KIAA1958: variants seen among roughly 807,000 people sequenced by gnomAD.
KIAA1958 encodes the protein KIAA1958.
In KIAA1958, 14 loss-of-function variants were observed where a neutral mutation model predicts 47.2. That is an observed-to-expected ratio of 0.30 (90% CI 0.20 to 0.46). KIAA1958 has a LOEUF of 0.46. Ranked by LOEUF, KIAA1958 falls within the 20% of genes least tolerant of loss-of-function variation. The pLI, the probability that KIAA1958 is intolerant of heterozygous loss-of-function variation, is 1.00. For synonymous variants in KIAA1958, 354 were observed against 353.3 expected (o/e 1.00, Z -0.02); for missense variants, 803 against 909.2 (o/e 0.88, Z 1.50).
chr9:112,645,049 C>T (rs759557156), intron 2 of KIAA1958, among the ~76,000 whole-genome samples: 5 of 151,698 alleles, frequency 3.3e-5, no homozygotes, highest in South Asian at 4.2e-4. Context: ...GCAGGAGAAT[C>T]GCTTGAACCC....
chr9:112,497,980 T>A (rs976731508), intron 1 of KIAA1958, among the ~76,000 whole-genome samples: 2 of 152,128 alleles, frequency 1.3e-5, no homozygotes, highest in Non-Finnish European at 2.9e-5. Context: ...AATACCTCAT[T>A]AGGCAAGAAA....
chr9:112,617,851 C>G, intron 2 of KIAA1958: 4 of 1,507,628 alleles, frequency 2.7e-6, no homozygotes, highest in Non-Finnish European at 3.6e-6. Context: ...CTCTATCCCT[C>G]CCCCCCCAAT....
At chr9:112,528,036 C>T (rs1834689779) in intron 1 of KIAA1958, among the ~76,000 whole-genome samples, 1 of 151,980 alleles carries the variant, frequency 6.6e-6, no homozygotes, top group African/African-American at 2.4e-5. Context: ...AAACAGTTGT[C>T]AGCTCTATCT....
At chr9:112,649,630 T>A (rs1339249943) in intron 3 of KIAA1958, among the ~76,000 whole-genome samples, 3 of 152,070 alleles carry the variant, frequency 2.0e-5, no homozygotes, top group Non-Finnish European at 4.4e-5. Flanking sequence ...AAAGACATAT[T>A]ATATACAGAG....
chr9:112,523,249 C>T (rs372171286), intron 1 of KIAA1958, among the ~76,000 whole-genome samples: 1 of 151,984 alleles, frequency 6.6e-6, no homozygotes, highest in Non-Finnish European at 1.5e-5. Context: ...AAGTACTAAC[C>T]AGCCAGCCTG....
chr9:112,659,775 T>C lies in KIAA1958; in HGVS notation c.1857T>C (p.His619=), dbSNP rs1227356976. The change falls in exon 4 of 4, where the codon CAT becomes CAC. Residue 619 remains histidine (H), a synonymous_variant. Coordinates refer to ENST00000337530, the MANE Select transcript of KIAA1958 (RefSeq NM_133465.4). ...STRVCHGKIY[H]EHSRGHKQCP... ...GAGTGTGTCACGGGAAGATCTACCA[T>C]GAGCATTCCCGGGGACACAAACAGT... 4 of 1,613,998 alleles carry C rather than the reference T, an allele frequency of 2.5e-6. No individual in the cohort carries two copies. The African/African-American group carries it at 5.3e-5, about 22-fold the overall frequency.
chr9:112,551,591 G>A (rs1298872389), intron 1 of KIAA1958, among the ~76,000 whole-genome samples: 2 of 152,206 alleles, frequency 1.3e-5, no homozygotes, highest in African/African-American at 2.4e-5. Context: ...TGTAAAAGAA[G>A]TGACTTGAGT....
chr9:112,556,018 A>G (rs1835233814), intron 1 of KIAA1958, among the ~76,000 whole-genome samples: 2 of 152,164 alleles, frequency 1.3e-5, no homozygotes, highest in Admixed American at 6.5e-5. Flanking sequence ...CAGAGATTGC[A>G]GTGAGCCAAG....
intron 1 of KIAA1958, among the ~76,000 whole-genome samples, chr9:112,512,349 A>G (rs1834337286): frequency 6.6e-6 from 1 of 152,196 alleles, no homozygotes. Flanking sequence ...AACATTCAAA[A>G]CTCAGGAAAA....
At chr9:112,653,930 C>G (rs1384180637) in intron 3 of KIAA1958, among the ~76,000 whole-genome samples, 1 of 152,004 alleles carries the variant, frequency 6.6e-6, no homozygotes, top group Non-Finnish European at 1.5e-5. Context: ...AAGCAGAACC[C>G]CTTGAAGCCT....
At chr9:112,585,594 G>C (rs1353967465) in intron 2 of KIAA1958, among the ~76,000 whole-genome samples, 1 of 152,142 alleles carries the variant, frequency 6.6e-6, no homozygotes, top group Admixed American at 6.5e-5. Flanking sequence ...GTAGAGGCTG[G>C]GACAGGAGGG....
intron 2 of KIAA1958, among the ~76,000 whole-genome samples, chr9:112,586,377 G>A (rs1266991703): frequency 6.6e-6 from 1 of 152,140 alleles, no homozygotes; most frequent in Non-Finnish European, 1.5e-5. Context: ...TTGTGGACTA[G>A]TGACCTTCTT....
chr9:112,547,943 T>TAA (rs1835069610), intron 1 of KIAA1958, among the ~76,000 whole-genome samples: 4 of 152,248 alleles, frequency 2.6e-5, no homozygotes, highest in African/African-American at 7.2e-5. Context: ...TTTCTGTTGA[T>TAA]TCCAGGTCTG....
rs1837376664 is a variant in KIAA1958 at position 112,668,204 on chromosome 9, C to T, written c.*8135C>T. 6.6e-6 allele frequency: 1 copy of T among 152,196 alleles called. No individual in the cohort carries two copies. The highest frequency in any genetic ancestry group is 1.5e-5 in the Non-Finnish European group (1 of 68,034). 9.4% of individuals were successfully genotyped at this position (152,196 alleles called of 1,614,324 possible). The stretch of plus-strand genomic sequence containing the variant: ...AATAACCTAGACTAGAGCTTATAGA[C>T]TGAAGCCCATGTGCTTCTCCATGCT... On this transcript the variant is annotated 3_prime_UTR_variant, in exon 4 of 4. Transcript: ENST00000337530.
In KIAA1958 at chr9:112,567,247, GA is replaced by G. The variant is rs557363424; in HGVS notation, c.-24-6804del. Among the ~76,000 whole-genome samples the G allele has an allele frequency of 1.1e-4, 16 of 152,240 alleles. No homozygotes were observed. The South Asian group carries it at 3.3e-3, about 32-fold the overall frequency. On this transcript the variant is annotated intron_variant, in intron 1 of 3. Coordinates refer to ENST00000337530, the MANE Select transcript of KIAA1958 (RefSeq NM_133465.4). The stretch of plus-strand genomic sequence containing the variant: ...AACAAAACAAAACAAACAAAAATAA[GA>G]AAAAACTCCAACAACAGTGGCTTAA...
chr9:112,639,987 T>C (rs1203592807), intron 2 of KIAA1958, among the ~76,000 whole-genome samples: 1 of 152,252 alleles, frequency 6.6e-6, no homozygotes, highest in Non-Finnish European at 1.5e-5. Context: ...TTTAACATAT[T>C]CAAATTATTT....
intron 1 of KIAA1958, among the ~76,000 whole-genome samples, chr9:112,487,508 G>A (rs1833881701): frequency 6.6e-6 from 1 of 152,172 alleles, no homozygotes; most frequent in Non-Finnish European, 1.5e-5. Context: ...AGGGCGGGAA[G>A]GAGGAGGAAA....
chr9:112,531,187 G>C (rs1026894508), intron 1 of KIAA1958, among the ~76,000 whole-genome samples: 2 of 152,124 alleles, frequency 1.3e-5, no homozygotes, highest in African/African-American at 2.4e-5. Flanking sequence ...TTGGGAGTTC[G>C]AGACCAGCTT....
chr9:112,518,804 G>A (rs921041079), intron 1 of KIAA1958, among the ~76,000 whole-genome samples: 1 of 151,868 alleles, frequency 6.6e-6, no homozygotes, highest in Non-Finnish European at 1.5e-5. Flanking sequence ...AGCCAAGTTT[G>A]GACATATAAC....
Sources: gnomAD v4.1 joint callset for allele counts (sites outside exome capture counted in the v4.1 genomes callset) on GRCh38, gnomAD v4.1.1 for gene constraint, MANE v1.5 for transcripts, NCBI Gene and HGNC (gene_info 2026-07-23, HGNC 2026-07-21) for gene names.